The following RANBP10 variants were observed in gnomAD, a reference collection of about 807,000 sequenced individuals.
The protein encoded by RANBP10 is RAN binding protein 10, also known as ran-binding protein 10.
A neutral mutation model predicts 72.8 loss-of-function variants in RANBP10; 24 were observed. That is an observed-to-expected ratio of 0.33 (90% CI 0.24 to 0.46). The LOEUF is 0.46. Among genes scored for constraint, RANBP10 ranks in the 20% least tolerant of loss-of-function variants. The pLI is 1.00. For missense variants in RANBP10, 679 were observed against 817.5 expected (o/e 0.83, Z 2.07); for synonymous variants, 310 against 322.3 (o/e 0.96, Z 0.41).
chr16:67,755,615 C>T (rs1466867445), intron 3 of RANBP10, among the ~76,000 whole-genome samples: 2 of 140,124 alleles, frequency 1.4e-5, no homozygotes, highest in African/African-American at 2.7e-5. Flanking sequence ...ACCTGGGAGG[C>T]GGAGGTTGCA....
At chr16:67,727,519 G>A (rs2053628673) in intron 12 of RANBP10, 81 bp from the exon 13 acceptor site, 2 of 1,397,174 alleles carry the variant, frequency 1.4e-6, no homozygotes, top group East Asian at 4.9e-5. Context: ...AGGGAGACAG[G>A]GCCCTGCATG....
chr16:67,771,982 C>T lies in RANBP10; in HGVS notation c.400+52G>A, dbSNP rs373961960. On this transcript the variant is annotated intron_variant, in intron 3 of 13. Transcript: ENST00000317506. Reference sequence around the variant, plus strand: ...TCTCTGCTACCACCATGACTCTCAACCCCAATTGGATCAGGAGAGCAGAAC... The same window carrying T: ...TCTCTGCTACCACCATGACTCTCAATCCCAATTGGATCAGGAGAGCAGAAC... 3.3e-5 allele frequency: 52 copies of T among 1,582,260 alleles called. No individual in the cohort carries two copies. The East Asian group carries it at 3.6e-4, about 11-fold the overall frequency.
intron 2 of RANBP10, among the ~76,000 whole-genome samples, chr16:67,773,774 C>A (rs1362849991): frequency 6.6e-6 from 1 of 152,192 alleles, no homozygotes; most frequent in Non-Finnish European, 1.5e-5. Context: ...TCGAAGGGAA[C>A]TTGTCTTCTG....
At chr16:67,727,297 CTAATAA>C in intron 13 of RANBP10, 24 bp downstream of exon 13, 2 of 1,579,072 alleles carry the variant, frequency 1.3e-6, no homozygotes, top group Non-Finnish European at 1.7e-6. Context: ...GACTCTGTCT[CTAATAA>C]TAATAATAAA....
At chr16:67,771,219 C>T (rs2054601192) in intron 3 of RANBP10, among the ~76,000 whole-genome samples, 1 of 152,120 alleles carries the variant, frequency 6.6e-6, no homozygotes, top group African/African-American at 2.4e-5. Flanking sequence ...TGAGCCACTG[C>T]ACTCCAGCCT....
chr16:67,771,191 G>T (rs1032587778), intron 3 of RANBP10, among the ~76,000 whole-genome samples: 1 of 151,228 alleles, frequency 6.6e-6, no homozygotes, highest in Non-Finnish European at 1.5e-5. Flanking sequence ...GGAGGTCGAG[G>T]CTGCAGTAAA....
chr16:67,732,107 G>A (rs570506971), intron 6 of RANBP10, among the ~76,000 whole-genome samples: 3 of 152,292 alleles, frequency 2.0e-5, no homozygotes, highest in Admixed American at 2.0e-4. Context: ...CCCTCCAGGT[G>A]AACCTGCCCT....
chr16:67,729,397 G>C lies in RANBP10; in HGVS notation c.1235C>G (p.Ser412Cys). Reference protein sequence around the residue: ...HSKYPAPSSSSSSSSSSSSSS... With the variant: ...HSKYPAPSSSCSSSSSSSSSS... ...GGACGAGGAGGAGGAGGAGGACGAG[G>C]ATGAGGAGCTGGGTGCAGGGTATTT... Residue 412 changes from serine (S) to cysteine (C), a missense_variant, in exon 10 of 14, where the codon TCC (serine) becomes TGC (cysteine). By Grantham distance (112) the Ser-to-Cys change is moderately radical. Transcript: ENST00000317506. This position sits in a 1 kb window ranked among gnomAD's most constrained non-coding sequence, Gnocchi z 7.1. 1.2e-6 allele frequency: 2 copies of C among 1,613,744 alleles called. No homozygotes were observed. The highest frequency in any genetic ancestry group is 2.2e-5 in the South Asian group (2 of 91,030).
chr16:67,729,760 G>A lies in RANBP10; in HGVS notation c.1067C>T (p.Pro356Leu), dbSNP rs936972194. Residue 356 changes from proline to leucine, a missense_variant, in exon 9 of 14, where the codon CCC becomes CTC. By Grantham distance (98) the Pro-to-Leu change is moderately conservative. Transcript: ENST00000317506. The surrounding 1 kb of genome is among the most constrained non-coding windows in gnomAD (Gnocchi z 7.1). The part of the protein sequence containing the change: ...SEVRSLSSRS[P>L]KSQDSYPGSP... Reference sequence around the variant, plus strand: ...GCCAGGGTAGCTGTCCTGGGACTTGGGGCTTCGGGAGCTCAAACTTCGGAC... The same window carrying A: ...GCCAGGGTAGCTGTCCTGGGACTTGAGGCTTCGGGAGCTCAAACTTCGGAC... 14 of 1,614,124 alleles carry A rather than the reference G, an allele frequency of 8.7e-6. No homozygotes were observed. The highest frequency in any genetic ancestry group is 1.2e-5 in the Non-Finnish European group (14 of 1,180,034).
chr16:67,759,323 G>A (rs931257555), intron 3 of RANBP10, among the ~76,000 whole-genome samples: 5 of 152,204 alleles, frequency 3.3e-5, no homozygotes, highest in African/African-American at 1.2e-4. Context: ...TCTTCCCACA[G>A]CCCTGGTGCT....
intron 3 of RANBP10, among the ~76,000 whole-genome samples, chr16:67,765,199 C>CAAAAAAAAAAAAAAAAAAAA (rs569942198): frequency 8.6e-5 from 1 of 11,652 alleles, no homozygotes; most frequent in Non-Finnish European, 2.2e-4. Context: ...GACTCCATCT[C>CAAAAAAAAAAAAAAAAAAAA]AAAAAAAAAA....
intron 2 of RANBP10, among the ~76,000 whole-genome samples, chr16:67,797,065 C>G (rs2055147076): frequency 6.6e-6 from 1 of 152,148 alleles, no homozygotes; most frequent in South Asian, 2.1e-4. Flanking sequence ...AGGAATGGCA[C>G]ACAGTGCCTG....
rs766019439 is a variant in RANBP10, at chr16:67,726,533, G to C, written c.1758C>G (p.Pro586=). 6.4e-7 allele frequency: 1 copy of C among 1,564,338 alleles called. No homozygotes were observed. Among genetic ancestry groups the C allele is most frequent in the Non-Finnish European group, 8.7e-7 (1 of 1,154,136 alleles). The change falls in exon 14 of 14, where the codon CCC becomes CCG. Residue 586 remains proline (P), a synonymous_variant. Coordinates refer to ENST00000317506, the MANE Select transcript of RANBP10 (RefSeq NM_020850.3). The part of the protein sequence containing the change: ...ILESQNLPKQ[P]PLMLALGQAS... ...CCTGGCCCAGGGCGAGCATCAGAGG[G>C]GGCTGCTTTGGCAGGTTCTGGGACT...
At chr16:67,797,041 A>G (rs1443203409) in intron 2 of RANBP10, among the ~76,000 whole-genome samples, 1 of 151,922 alleles carries the variant, frequency 6.6e-6, no homozygotes, top group Non-Finnish European at 1.5e-5. Context: ...ATTCCTTCCC[A>G]ATGGTCCCAT....
At chr16:67,727,481 T>C (rs749345767) in intron 12 of RANBP10, 43 bp from the exon 13 acceptor site, 4 of 1,547,382 alleles carry the variant, frequency 2.6e-6, no homozygotes, top group East Asian at 2.3e-5. Context: ...GCACACACCA[T>C]AGCTCACCCT....
chr16:67,795,535 G>A (rs184065850), intron 2 of RANBP10, among the ~76,000 whole-genome samples: 129 of 151,340 alleles, frequency 8.5e-4, no homozygotes, highest in Non-Finnish European at 1.4e-3. Flanking sequence ...GTGAAACTCC[G>A]TCTCAAAATA....
intron 3 of RANBP10, among the ~76,000 whole-genome samples, chr16:67,766,826 G>A (rs999199371): frequency 5.9e-5 from 9 of 152,226 alleles, no homozygotes; most frequent in Middle Eastern, 6.8e-3. Context: ...GGATCTGACC[G>A]GACATTCAGC....
intron 3 of RANBP10, among the ~76,000 whole-genome samples, chr16:67,748,531 AAAAC>A (rs768993442): frequency 2.6e-5 from 4 of 152,050 alleles, no homozygotes; most frequent in Non-Finnish European, 5.9e-5. Context: ...TCTAAAAAAA[AAAAC>A]AAAGTGCATG....
chr16:67,792,284 G>A (rs2055042766), intron 2 of RANBP10, among the ~76,000 whole-genome samples: 2 of 152,022 alleles, frequency 1.3e-5, no homozygotes, highest in South Asian at 2.1e-4. Context: ...ACCAGGCACC[G>A]TGGCTCACGC....
Sources: allele counts gnomAD v4.1 joint callset (sites outside exome capture counted in the v4.1 genomes callset), GRCh38; gene constraint gnomAD v4.1.1; non-coding constraint Gnocchi (gnomAD v3.1); transcripts MANE v1.5; gene names NCBI Gene and HGNC (gene_info 2026-07-23, HGNC 2026-07-21).